AEBP2: variants seen among roughly 807,000 people sequenced by gnomAD.
AEBP2 encodes the protein AE binding protein 2, also known as zinc finger protein AEBP2.
A neutral mutation model predicts 50.8 loss-of-function variants in AEBP2; 10 were observed. The observed-to-expected ratio is 0.20, with a 90% CI of 0.12 to 0.33. The LOEUF is 0.33. Ranked by LOEUF, AEBP2 falls within the 10% of genes least tolerant of loss-of-function variation. AEBP2 has a pLI of 1.00. For missense variants in AEBP2, 570 were observed against 688.0 expected (o/e 0.83, Z 1.92); for synonymous variants, 296 against 261.3 (o/e 1.13, Z -1.28).
Position 19,453,900 on chromosome 12 carries a change from G to T in AEBP2, c.672-8610G>T, listed in dbSNP as rs555254229. Among the ~76,000 whole-genome samples the T allele has an allele frequency of 5.4e-4, 80 of 148,244 alleles. 1 individual carries two copies. Among genetic ancestry groups the T allele is most frequent in the African/African-American group, 1.9e-3 (77 of 40,122 alleles). ...CAAACTCCACCTCCACGGCTCAAGT[G>T]ATTCTCCCCCCCTCGGCCTCCCAAA... On this transcript the variant is annotated intron_variant, in intron 1 of 7. Coordinates refer to ENST00000266508, the MANE Select transcript of AEBP2 (RefSeq NM_153207.5).
intron 7 of AEBP2, among the ~76,000 whole-genome samples, chr12:19,515,419 A>G (rs1423076094): frequency 1.3e-5 from 2 of 152,174 alleles, no homozygotes; most frequent in Admixed American, 1.3e-4. Context: ...TCTGCTTTAC[A>G]GGTTGGAAAA....
chr12:19,446,260 CA>C (rs1271248422), intron 1 of AEBP2, among the ~76,000 whole-genome samples: 1 of 152,140 alleles, frequency 6.6e-6, no homozygotes, highest in Middle Eastern at 3.2e-3. Flanking sequence ...TTTTAAAGAG[CA>C]GGCTAAAGAG....
intron 3 of AEBP2, among the ~76,000 whole-genome samples, chr12:19,489,514 G>A (rs1948863919): frequency 6.6e-6 from 1 of 152,176 alleles, no homozygotes; most frequent in African/African-American, 2.4e-5. Flanking sequence ...AACCATATCA[G>A]TGTTCAACAA....
At chr12:19,417,967 G>A (rs1297884290) in intron 1 of AEBP2, among the ~76,000 whole-genome samples, 4 of 152,102 alleles carry the variant, frequency 2.6e-5, no homozygotes, top group African/African-American at 9.7e-5. Context: ...CTCCCAAAGT[G>A]TTGGGATTAC....
intron 1 of AEBP2, among the ~76,000 whole-genome samples, chr12:19,414,579 G>GCAA (rs2095741213): frequency 6.6e-6 from 1 of 152,132 alleles, no homozygotes; most frequent in Admixed American, 6.6e-5. Flanking sequence ...CAGCACTGGA[G>GCAA]GGCGATGTCT....
At chr12:19,452,355 T>C (rs1265239570) in intron 1 of AEBP2, among the ~76,000 whole-genome samples, 1 of 152,230 alleles carries the variant, frequency 6.6e-6, no homozygotes, top group Non-Finnish European at 1.5e-5. Flanking sequence ...GCAGGATATA[T>C]AGCAAATGCT....
At chr12:19,504,992 GAC>G in intron 5 of AEBP2, among the ~76,000 whole-genome samples, 1 of 152,298 alleles carries the variant, frequency 6.6e-6, no homozygotes, top group South Asian at 2.1e-4. Context: ...AGACACAAGA[GAC>G]ATGAATTTGA....
At chr12:19,468,735 C>G (rs1948526575) in intron 2 of AEBP2, among the ~76,000 whole-genome samples, 1 of 152,136 alleles carries the variant, frequency 6.6e-6, no homozygotes, top group Non-Finnish European at 1.5e-5. Flanking sequence ...ACCCTTGGCT[C>G]CTAGGTTTGT....
At chr12:19,421,264 A>G (rs188892182) in intron 1 of AEBP2, among the ~76,000 whole-genome samples, 146 of 150,504 alleles carry the variant, frequency 9.7e-4, no homozygotes, top group African/African-American at 3.4e-3. Context: ...GAATTGCTTG[A>G]ACCCAGGAAG....
chr12:19,515,975 C>G (rs1288879823), intron 7 of AEBP2, among the ~76,000 whole-genome samples: 1 of 152,092 alleles, frequency 6.6e-6, no homozygotes, highest in Non-Finnish European at 1.5e-5. Context: ...GTCCCAGCTA[C>G]TCAGGAGGCT....
intron 1 of AEBP2, among the ~76,000 whole-genome samples, chr12:19,447,340 C>T (rs1948089891): frequency 6.6e-6 from 1 of 152,146 alleles, no homozygotes; most frequent in African/African-American, 2.4e-5. Context: ...TCTTTCTTGC[C>T]CTCACCCCAA....
At chr12:19,484,734 T>A (rs766129700) in intron 3 of AEBP2, among the ~76,000 whole-genome samples, 12 of 152,192 alleles carry the variant, frequency 7.9e-5, no homozygotes, top group Non-Finnish European at 1.2e-4. Flanking sequence ...TCTTTTCATA[T>A]GTCTAACCGT....
At chr12:19,436,237 G>C (rs1947860167), upstream of AEBP2, among the ~76,000 whole-genome samples, 1 of 152,134 alleles carries the variant, frequency 6.6e-6, no homozygotes, top group Non-Finnish European at 1.5e-5. Flanking sequence ...GTTTACAAAT[G>C]CCATGCCAAT....
chr12:19,515,573 T>C (rs566675438), intron 7 of AEBP2, among the ~76,000 whole-genome samples: 5 of 152,326 alleles, frequency 3.3e-5, no homozygotes, highest in Non-Finnish European at 7.4e-5. Context: ...AAGGCACTCT[T>C]ATTGAAAGGA....
chr12:19,440,714 C>A (rs530283100), intron 1 of AEBP2: 1 of 1,533,512 alleles, frequency 6.5e-7, no homozygotes, highest in Admixed American at 2.0e-5. Flanking sequence ...GATGTACACA[C>A]GTCGGTACTC....
intron 1 of AEBP2, chr12:19,440,862 T>G: frequency 9.0e-7 from 1 of 1,112,622 alleles, no homozygotes; most frequent in Non-Finnish European, 1.3e-6. Flanking sequence ...CACTTTTCTC[T>G]ACTTAAACAA....
intron 4 of AEBP2, among the ~76,000 whole-genome samples, chr12:19,494,651 A>T (rs972851418): frequency 9.9e-5 from 15 of 151,960 alleles, no homozygotes; most frequent in Non-Finnish European, 1.9e-4. Context: ...AAATGCTGGG[A>T]TTACAGGTGT....
chr12:19,450,696 A>G (rs1344343815), intron 1 of AEBP2, among the ~76,000 whole-genome samples: 2 of 149,530 alleles, frequency 1.3e-5, no homozygotes, highest in Non-Finnish European at 3.0e-5. Flanking sequence ...AAAAAAAGAC[A>G]GATGTAGTGG....
intron 1 of AEBP2, among the ~76,000 whole-genome samples, chr12:19,443,383 C>T (rs1160735966): frequency 1.3e-5 from 2 of 151,360 alleles, no homozygotes; most frequent in African/African-American, 2.4e-5. Flanking sequence ...AGGAGTGAGC[C>T]GCCACCGCAG....
Sources: allele counts gnomAD v4.1 joint callset (sites outside exome capture counted in the v4.1 genomes callset), GRCh38; gene constraint gnomAD v4.1.1; transcripts MANE v1.5; gene names NCBI Gene and HGNC (gene_info 2026-07-23, HGNC 2026-07-21).